The following ANKRD30A variants were observed in gnomAD, a reference collection of about 807,000 sequenced individuals.
ANKRD30A encodes the protein ankyrin repeat domain 30A.
A neutral mutation model predicts 166.3 loss-of-function variants in ANKRD30A; 170 were observed. The ratio of observed to expected loss-of-function variants is 1.02; its 90% CI spans 0.90 to 1.16. The LOEUF (loss-of-function observed/expected upper bound fraction) is 1.16, where lower values mean the gene tolerates loss of function less well. Among genes scored for constraint, ANKRD30A ranks in the 50% most tolerant of loss-of-function variants. The pLI is 0.00. For missense variants in ANKRD30A, 1,630 were observed against 1,518.0 expected (o/e 1.07, Z -1.23); for synonymous variants, 564 against 508.9 (o/e 1.11, Z -1.46).
chr10:37,145,880 C>G (rs1158857143), intron 8 of ANKRD30A, among the ~76,000 whole-genome samples: 772 of 150,612 alleles, frequency 5.1e-3, no homozygotes, highest in East Asian at 0.044. Flanking sequence ...GACAAACATG[C>G]ATAAAGAATA....
chr10:37,131,366 G>GAAGTAGAT (rs1836369309), intron 3 of ANKRD30A, among the ~76,000 whole-genome samples: 1 of 152,158 alleles, frequency 6.6e-6, no homozygotes, highest in Non-Finnish European at 1.5e-5. Context: ...ATATGCATTA[G>GAAGTAGAT]AATTTTAGGA....
At chr10:37,158,718 T>C in intron 15 of ANKRD30A, 132 bp downstream of exon 15, 1 of 1,341,440 alleles carries the variant, frequency 7.5e-7, no homozygotes, top group Non-Finnish European at 1.0e-6. Context: ...ATAATGCCAA[T>C]GTGAGTATTT....
At chr10:37,136,276 C>T (rs1240407789) in intron 5 of ANKRD30A, among the ~76,000 whole-genome samples, 2 of 152,134 alleles carry the variant, frequency 1.3e-5, no homozygotes, top group African/African-American at 4.8e-5. Flanking sequence ...CTAAGAGAAG[C>T]AACTTGTTCA....
chr10:37,209,010 A>G (rs1036331328), intron 31 of ANKRD30A, among the ~76,000 whole-genome samples: 1 of 152,146 alleles, frequency 6.6e-6, no homozygotes, highest in Non-Finnish European at 1.5e-5. Flanking sequence ...TCATAGCTTG[A>G]TAGTTCATCT....
the ANKRD30A span, chr10:37,242,112 A>G: frequency 6.6e-6 from 1 of 152,210 alleles, no homozygotes; most frequent in Non-Finnish European, 1.5e-5. Context: ...CATCAGTTAT[A>G]TTTAGCTTCT....
the ANKRD30A span, among the ~76,000 whole-genome samples, chr10:37,258,392 TATTACA>T: frequency 6.6e-6 from 1 of 152,154 alleles, no homozygotes; most frequent in Non-Finnish European, 1.5e-5. Context: ...TTTCAATCTT[TATTACA>T]ATTACAATAA....
chr10:37,226,339 A>G (rs997005054), intron 34 of ANKRD30A, among the ~76,000 whole-genome samples: 2 of 137,168 alleles, frequency 1.5e-5, no homozygotes, highest in Admixed American at 8.5e-5. Context: ...GTTCCCACCT[A>G]TGAGTGAGAA....
At chr10:37,224,516 T>C (rs1319692588) in intron 34 of ANKRD30A, among the ~76,000 whole-genome samples, 3 of 150,834 alleles carry the variant, frequency 2.0e-5, no homozygotes, top group Non-Finnish European at 4.4e-5. Flanking sequence ...CATATATATG[T>C]TATAATAAAA....
intron 31 of ANKRD30A, among the ~76,000 whole-genome samples, chr10:37,202,055 T>C (rs961090368): frequency 2.0e-5 from 3 of 152,090 alleles, no homozygotes; most frequent in Non-Finnish European, 2.9e-5. Context: ...GTGGTCCTTG[T>C]ACCTTGATCT....
At chr10:37,136,550 T>G in intron 5 of ANKRD30A, 57 bp from the exon 6 acceptor site, 1 of 802,034 alleles carries the variant, frequency 1.2e-6, no homozygotes, top group South Asian at 1.7e-5. Flanking sequence ...TTGGTAAATG[T>G]TTTTTATAAA....
the ANKRD30A span, among the ~76,000 whole-genome samples, chr10:37,243,590 C>T: frequency 6.6e-6 from 1 of 151,976 alleles, no homozygotes; most frequent in East Asian, 1.9e-4. Context: ...GTAGTAAGTC[C>T]TTACTTAACG....
At chr10:37,205,436 C>T (rs573449993) in intron 31 of ANKRD30A, among the ~76,000 whole-genome samples, 13 of 77,360 alleles carry the variant, frequency 1.7e-4, no homozygotes, top group Admixed American at 8.2e-4. Context: ...ACATCACACA[C>T]GGGGGCCTGT....
chr10:37,219,655 C>T lies in ANKRD30A; in HGVS notation c.3943C>T (p.Gln1315Ter). The T allele has an allele frequency of 1.9e-6, 3 of 1,609,766 alleles. No individual in the cohort carries two copies. The highest frequency in any genetic ancestry group is 1.7e-5 in the Admixed American group (1 of 59,578). ...AGATAATGTGAACAAACACACTGAA[C>T]AGCAGGAGTCTCTAGATCAGAAATT... ...EQDNVNKHTE[Q>*]QESLDQKLFQ... The change falls in exon 34 of 36, where the codon CAG (glutamine) becomes TAG (stop). Residue 1315 changes from glutamine (Q) to a stop codon, truncating the protein, a stop_gained. Coordinates refer to ENST00000361713, the MANE Select transcript of ANKRD30A (RefSeq NM_052997.3). LOFTEE classifies it high-confidence loss of function.
At chr10:37,156,176 G>T (rs1294878559) in intron 13 of ANKRD30A, among the ~76,000 whole-genome samples, 1 of 151,974 alleles carries the variant, frequency 6.6e-6, no homozygotes, top group African/African-American at 2.4e-5. Context: ...TATAATTACG[G>T]ATGTCAACAA....
chr10:37,251,215 A>G, the ANKRD30A span, among the ~76,000 whole-genome samples: 3 of 152,156 alleles, frequency 2.0e-5, no homozygotes, highest in Non-Finnish European at 4.4e-5. Context: ...AGGTGGTAGG[A>G]ATAAGGATTG....
chr10:37,232,885 C>G (rs1287873779), downstream of ANKRD30A, among the ~76,000 whole-genome samples: 1 of 92,364 alleles, frequency 1.1e-5, no homozygotes, highest in Admixed American at 1.1e-4. Flanking sequence ...GCAACATAGC[C>G]CCTGTTAAAA....
Position 37,211,704 on chromosome 10 carries a change from A to G in ANKRD30A, c.2870-4477A>G, listed in dbSNP as rs1238888866. Among the ~76,000 whole-genome samples, 7 of 152,144 alleles carry G rather than the reference A, an allele frequency of 4.6e-5. No individual in the cohort carries two copies. In the South Asian group the frequency reaches 6.2e-4, roughly 14 times the overall value. On this transcript the variant is annotated intron_variant, in intron 31 of 35. Coordinates refer to ENST00000361713, the MANE Select transcript of ANKRD30A (RefSeq NM_052997.3). ...TCTAGTTCTAGATCCCTGAGGAATC[A>G]CCACACTGACTTCCACAATGGTTGA... is the stretch of plus-strand genomic sequence containing the variant.
At chr10:37,165,997 C>T (rs1023413167) in intron 18 of ANKRD30A, among the ~76,000 whole-genome samples, 2 of 152,016 alleles carry the variant, frequency 1.3e-5, no homozygotes, top group Admixed American at 1.3e-4. Flanking sequence ...TAACTTTTTT[C>T]TTACTGCATT....
chr10:37,235,753 A>G (rs1843642329), downstream of ANKRD30A, among the ~76,000 whole-genome samples: 2 of 147,438 alleles, frequency 1.4e-5, no homozygotes, highest in South Asian at 2.1e-4. Context: ...TGATTTCACT[A>G]TATTTCATTC....
Sources: gnomAD v4.1 joint callset for allele counts (sites outside exome capture counted in the v4.1 genomes callset) on GRCh38, gnomAD v4.1.1 for gene constraint, MANE v1.5 for transcripts, NCBI Gene and HGNC (gene_info 2026-07-23, HGNC 2026-07-21) for gene names.